CNTN4: variants seen among roughly 807,000 people sequenced by gnomAD.
CNTN4 encodes the protein contactin-4.
CNTN4 carries 77 observed loss-of-function variants against 122.5 expected under a neutral mutation model. That is an observed-to-expected ratio of 0.63 (90% CI 0.52 to 0.76). The LOEUF is 0.76. Ranked by LOEUF, CNTN4 falls within the 30% of genes least tolerant of loss-of-function variation. The pLI is 0.00. For missense variants in CNTN4, 1,256 were observed against 1,259.1 expected, an observed-to-expected ratio of 1.00 and a Z score of 0.04; for synonymous variants, 512 against 447.0, an observed-to-expected ratio of 1.15 and a Z score of -1.83.
At position 2,106,986 on chromosome 3, in the gene CNTN4, C is replaced by G. The variant is rs190767531; in HGVS notation, c.-145+6347C>G. ...CTTTGCTTCAGTTCTCGATAAGTTC[C>G]TCATCTCCATCTGACCTGGACTTCA... On this transcript the variant is annotated intron_variant, in intron 2 of 24. Coordinates refer to ENST00000418658, the MANE Select transcript of CNTN4 (RefSeq NM_175607.3). 3.6e-3 allele frequency among the ~76,000 whole-genome samples: 544 copies of G among 152,266 alleles called. 3 individuals carry two copies. Among genetic ancestry groups the G allele is most frequent in the African/African-American group, 0.013 (532 of 41,540 alleles).
intron 2 of CNTN4, among the ~76,000 whole-genome samples, chr3:2,124,242 G>A (rs1288042332): frequency 6.6e-6 from 1 of 152,112 alleles, no homozygotes; most frequent in African/African-American, 2.4e-5. Context: ...GCAGTAGTGA[G>A]GAATAAGATG....
At chr3:2,692,602 T>C (rs1240775804) in intron 4 of CNTN4, among the ~76,000 whole-genome samples, 3 of 152,208 alleles carry the variant, frequency 2.0e-5, no homozygotes, top group East Asian at 1.9e-4. Context: ...CAGTATATCA[T>C]GAACAGCTCT....
intron 3 of CNTN4, among the ~76,000 whole-genome samples, chr3:2,484,052 A>G (rs1210991689): frequency 6.6e-6 from 1 of 152,194 alleles, no homozygotes; most frequent in Non-Finnish European, 1.5e-5. Flanking sequence ...ATTGGCAAAG[A>G]CATACCTGAT....
At chr3:2,769,283 G>A (rs991907828) in intron 6 of CNTN4, among the ~76,000 whole-genome samples, 3 of 151,992 alleles carry the variant, frequency 2.0e-5, no homozygotes, top group Non-Finnish European at 4.4e-5. Context: ...CCAATATGGT[G>A]AAACCCCATC....
intron 7 of CNTN4, among the ~76,000 whole-genome samples, chr3:2,850,094 A>C (rs1436737328): frequency 6.7e-6 from 1 of 148,910 alleles, no homozygotes; most frequent in African/African-American, 2.5e-5. Context: ...AGTTCAAGTG[A>C]TTCTCCTGCC....
intron 3 of CNTN4, among the ~76,000 whole-genome samples, chr3:2,391,107 C>A (rs1334641120): frequency 1.3e-5 from 2 of 152,172 alleles, no homozygotes; most frequent in African/African-American, 4.8e-5. Flanking sequence ...TTCCCTGCTG[C>A]ACTACCTGTG....
intron 3 of CNTN4, among the ~76,000 whole-genome samples, chr3:2,457,855 T>G (rs2049057606): frequency 1.3e-5 from 2 of 152,192 alleles, no homozygotes; most frequent in Admixed American, 1.3e-4. Context: ...GTTAACTGTC[T>G]TTCTCAGTTG....
chr3:2,149,023 C>T (rs1185084627), intron 2 of CNTN4, among the ~76,000 whole-genome samples: 2 of 151,798 alleles, frequency 1.3e-5, no homozygotes, highest in African/African-American at 2.4e-5. Flanking sequence ...CAATTTCAAA[C>T]ACTGAAGTAT....
chr3:2,891,587 G>A (rs1299273859), intron 10 of CNTN4, among the ~76,000 whole-genome samples: 7 of 152,164 alleles, frequency 4.6e-5, no homozygotes, highest in Non-Finnish European at 8.8e-5. Flanking sequence ...AAATGAGCTA[G>A]GCTTTCAAGG....
chr3:2,485,110 G>A (rs1021613003), intron 3 of CNTN4, among the ~76,000 whole-genome samples: 11 of 152,212 alleles, frequency 7.2e-5, no homozygotes, highest in Non-Finnish European at 1.3e-4. Context: ...CCAGTGCTGC[G>A]CTCGAATTCC....
intron 4 of CNTN4, among the ~76,000 whole-genome samples, chr3:2,725,704 G>C (rs911245755): frequency 6.6e-6 from 1 of 152,138 alleles, no homozygotes; most frequent in South Asian, 2.1e-4. Context: ...GATCCCGGTG[G>C]TGTTCAGGTT....
At chr3:3,051,395 T>C (rs1363919003) in intron 23 of CNTN4, among the ~76,000 whole-genome samples, 1 of 152,222 alleles carries the variant, frequency 6.6e-6, no homozygotes, top group Non-Finnish European at 1.5e-5. Context: ...GCAAGACTGA[T>C]AAGCAGTGCT....
chr3:2,323,933 C>G (rs17194308), intron 2 of CNTN4, among the ~76,000 whole-genome samples: 11,749 of 152,230 alleles, frequency 0.077, 511 homozygotes, highest in Middle Eastern at 0.085. Flanking sequence ...ACAGGACTAA[C>G]ACAATGGTTC....
chr3:2,954,932 C>T (rs76268154), intron 13 of CNTN4, among the ~76,000 whole-genome samples: 10,531 of 152,074 alleles, frequency 0.069, 511 homozygotes, highest in Non-Finnish European at 0.097. Flanking sequence ...AATGTTTAAC[C>T]GTAGTCTCAT....
intron 2 of CNTN4, among the ~76,000 whole-genome samples, chr3:2,284,100 A>T (rs2041821721): frequency 6.6e-6 from 1 of 152,050 alleles, no homozygotes; most frequent in Non-Finnish European, 1.5e-5. Flanking sequence ...TAGAGTAAGT[A>T]CCCAAAGAAG....
At chr3:2,571,220 T>C (rs2079406695) in intron 3 of CNTN4, 196 bp from the exon 4 acceptor site, 1 of 485,646 alleles carries the variant, frequency 2.1e-6, no homozygotes, top group Admixed American at 3.3e-5. Flanking sequence ...CTCCAATCCC[T>C]GCCCAATTAT....
intron 2 of CNTN4, among the ~76,000 whole-genome samples, chr3:2,241,328 T>C (rs2039927634): frequency 6.6e-6 from 1 of 152,160 alleles, no homozygotes; most frequent in Non-Finnish European, 1.5e-5. Flanking sequence ...ATTGGATAGA[T>C]AGTTACAATG....
intron 3 of CNTN4, among the ~76,000 whole-genome samples, chr3:2,476,402 C>T (rs1189325833): frequency 6.6e-6 from 1 of 152,216 alleles, no homozygotes; most frequent in Non-Finnish European, 1.5e-5. Context: ...GTGCAGCATT[C>T]ACCACCTGAT....
At chr3:2,271,448 C>G (rs776248176) in intron 2 of CNTN4, among the ~76,000 whole-genome samples, 71 of 152,240 alleles carry the variant, frequency 4.7e-4, no homozygotes, top group African/African-American at 1.6e-3. Context: ...TTATCTTTCT[C>G]TAGCTATATA....
Sources: gnomAD v4.1 joint callset for allele counts (sites outside exome capture counted in the v4.1 genomes callset) on GRCh38, gnomAD v4.1.1 for gene constraint, MANE v1.5 for transcripts, NCBI Gene and HGNC (gene_info 2026-07-23, HGNC 2026-07-21) for gene names.